RABGAP1L: variants seen among roughly 807,000 people sequenced by gnomAD.
RABGAP1L encodes RAB GTPase activating protein 1 like.
A neutral mutation model predicts 137.7 loss-of-function variants in RABGAP1L; 63 were observed. The observed-to-expected ratio is 0.46, with a 90% CI of 0.37 to 0.56. RABGAP1L has a LOEUF of 0.56. Among genes scored for constraint, RABGAP1L ranks in the 20% least tolerant of loss-of-function variants. The pLI, the probability that RABGAP1L is intolerant of heterozygous loss-of-function variation, is 0.00. For missense variants in RABGAP1L, 1,095 were observed against 1,244.0 expected (o/e 0.88, Z 1.80); for synonymous variants, 431 against 433.7 (o/e 0.99, Z 0.08).
chr1:174,668,341 A>G (rs566038910), intron 14 of RABGAP1L, among the ~76,000 whole-genome samples: 1 of 152,310 alleles, frequency 6.6e-6, no homozygotes, highest in East Asian at 1.9e-4. Context: ...TAGGGTCTGC[A>G]TATGAGTAAG....
chr1:174,426,805 T>C (rs143692612), intron 13 of RABGAP1L, among the ~76,000 whole-genome samples: 3 of 152,292 alleles, frequency 2.0e-5, no homozygotes, highest in African/African-American at 7.2e-5. Context: ...AAAAATTATA[T>C]TTATTCTAAA....
At chr1:174,473,072 G>T (rs1324284266) in intron 13 of RABGAP1L, among the ~76,000 whole-genome samples, 1 of 151,848 alleles carries the variant, frequency 6.6e-6, no homozygotes, top group Admixed American at 6.6e-5. Flanking sequence ...CACACAAAAG[G>T]ATATTTTTGA....
chr1:174,525,569 G>A (rs946343801), intron 13 of RABGAP1L, among the ~76,000 whole-genome samples: 1 of 151,958 alleles, frequency 6.6e-6, no homozygotes, highest in Non-Finnish European at 1.5e-5. Flanking sequence ...CTAAACATAA[G>A]ATCATGTCAT....
intron 11 of RABGAP1L, among the ~76,000 whole-genome samples, chr1:174,308,238 T>C (rs1326380508): frequency 6.6e-6 from 1 of 152,058 alleles, no homozygotes. Context: ...ACAGGCTGTA[T>C]ACATATCTGT....
intron 17 of RABGAP1L, among the ~76,000 whole-genome samples, chr1:174,713,158 AG>A (rs1390694569): frequency 1.3e-5 from 2 of 152,210 alleles, no homozygotes; most frequent in Non-Finnish European, 2.9e-5. Context: ...CACTTCTAGA[AG>A]TAAAACAATG....
rs921851558 is a variant in RABGAP1L, at chr1:174,855,150, G to A, written c.2340+43190G>A. Among the ~76,000 whole-genome samples, 6 of 152,056 alleles carry A rather than the reference G, an allele frequency of 3.9e-5. No homozygotes were observed. The East Asian group carries it at 1.2e-3, about 29-fold the overall frequency. On this transcript the variant is annotated intron_variant, in intron 19 of 25. Transcript: ENST00000681986. ...ACAAATTACATAAAATCAGGAACCTGATTTTATATTAAGTGTAGGAAGTCA... is the reference window on the plus strand; with the variant it reads ...ACAAATTACATAAAATCAGGAACCTAATTTTATATTAAGTGTAGGAAGTCA...
chr1:174,820,480 A>C (rs1690902965), intron 19 of RABGAP1L, among the ~76,000 whole-genome samples: 1 of 152,148 alleles, frequency 6.6e-6, no homozygotes, highest in Non-Finnish European at 1.5e-5. Context: ...CACAGGGTTG[A>C]GGAGATGAGG....
rs550675485 is a variant in RABGAP1L at position 174,264,501 on chromosome 1, T to A, written c.987-7913T>A. ...CTCTGACCTGAGGTCTCCAAACTTA[T>A]ATATTCAACAACTTCAGATCTTCAT... is the stretch of plus-strand genomic sequence containing the variant. On this transcript the variant is annotated intron_variant, in intron 7 of 25. Coordinates refer to ENST00000681986, the MANE Select transcript of RABGAP1L (RefSeq NM_001366446.1). Among the ~76,000 whole-genome samples, 258 of 152,276 alleles carry A rather than the reference T, an allele frequency of 1.7e-3. 1 individual carries two copies. The highest frequency in any genetic ancestry group is 3.4e-3 in the Non-Finnish European group (230 of 68,000).
intron 10 of RABGAP1L, among the ~76,000 whole-genome samples, chr1:174,291,214 G>T (rs1187697380): frequency 1.3e-5 from 2 of 151,420 alleles, no homozygotes; most frequent in African/African-American, 2.4e-5. Context: ...ATATTTTTCT[G>T]CATCTTTGTG....
At chr1:174,332,461 A>C (rs1038503287) in intron 11 of RABGAP1L, among the ~76,000 whole-genome samples, 1 of 152,014 alleles carries the variant, frequency 6.6e-6, no homozygotes, top group Non-Finnish European at 1.5e-5. Context: ...CAGCAGCATG[A>C]TCTTGGCTGA....
intron 18 of RABGAP1L, among the ~76,000 whole-genome samples, chr1:174,809,900 T>C (rs1301169529): frequency 6.6e-6 from 1 of 152,210 alleles, no homozygotes; most frequent in Non-Finnish European, 1.5e-5. Context: ...AACTGCCTTT[T>C]CCAGCTAAGT....
chr1:174,814,913 C>A (rs1415390610), intron 19 of RABGAP1L, among the ~76,000 whole-genome samples: 1 of 152,144 alleles, frequency 6.6e-6, no homozygotes, highest in Non-Finnish European at 1.5e-5. Context: ...GTCTCGAACT[C>A]CTGACCCCAA....
At chr1:174,195,261 T>C (rs1468636142) in intron 1 of RABGAP1L, among the ~76,000 whole-genome samples, 2 of 152,228 alleles carry the variant, frequency 1.3e-5, no homozygotes, top group Non-Finnish European at 2.9e-5. Flanking sequence ...TTGATTCCTC[T>C]TGGCCCTTCC....
intron 13 of RABGAP1L, among the ~76,000 whole-genome samples, chr1:174,433,825 A>G (rs764821622): frequency 3.9e-5 from 6 of 152,150 alleles, no homozygotes; most frequent in South Asian, 2.1e-4. Context: ...TTTCCTGGCA[A>G]TGCCTTAAAA....
chr1:174,785,518 G>A (rs1470902657), intron 18 of RABGAP1L, among the ~76,000 whole-genome samples: 3 of 152,238 alleles, frequency 2.0e-5, no homozygotes, highest in Admixed American at 6.5e-5. Flanking sequence ...CAATTTTAGA[G>A]TAAAGAGAAG....
At chr1:174,850,186 C>A in intron 19 of RABGAP1L, 1 of 395,360 alleles carries the variant, frequency 2.5e-6, no homozygotes, top group Non-Finnish European at 4.9e-6. Flanking sequence ...TAACATGATG[C>A]CCTCAGGTTT....
chr1:174,751,597 A>G (rs540107042), intron 17 of RABGAP1L, among the ~76,000 whole-genome samples: 2 of 152,348 alleles, frequency 1.3e-5, no homozygotes, highest in South Asian at 4.1e-4. Flanking sequence ...TTTGAATTTA[A>G]TAACTCAATG....
At chr1:174,662,141 T>A (rs1422988901) in intron 14 of RABGAP1L, among the ~76,000 whole-genome samples, 1 of 146,476 alleles carries the variant, frequency 6.8e-6, no homozygotes, top group Non-Finnish European at 1.5e-5. Flanking sequence ...TCTGGCTCTG[T>A]CGCCCAGGCT....
At chr1:174,540,015 G>A (rs1665238862) in intron 13 of RABGAP1L, among the ~76,000 whole-genome samples, 3 of 152,124 alleles carry the variant, frequency 2.0e-5, no homozygotes, top group Admixed American at 6.5e-5. Flanking sequence ...TCTCATTGTG[G>A]TTTTGATTTG....
Sources: allele counts gnomAD v4.1 joint callset (sites outside exome capture counted in the v4.1 genomes callset), GRCh38; gene constraint gnomAD v4.1.1; transcripts MANE v1.5; gene names NCBI Gene and HGNC (gene_info 2026-07-23, HGNC 2026-07-21).